UBE2D2: variants seen among roughly 807,000 people sequenced by gnomAD.
UBE2D2 encodes ubiquitin-conjugating enzyme E2 D2.
Under a neutral mutation model 24.2 loss-of-function variants are expected in UBE2D2, and 2 were observed. The observed-to-expected ratio is 0.08, with a 90% confidence interval of 0.03 to 0.26. The LOEUF (loss-of-function observed/expected upper bound fraction) is 0.26, where lower values mean the gene tolerates loss of function less well. UBE2D2 is among the 10% of genes least tolerant of loss of function. The pLI, the probability that UBE2D2 is intolerant of heterozygous loss-of-function variation, is 1.00. For missense variants in UBE2D2, 44 were observed against 177.6 expected, an observed-to-expected ratio of 0.25 and a Z score of 4.28; for synonymous variants, 58 against 56.5, an observed-to-expected ratio of 1.03 and a Z score of -0.12.
intron 5 of UBE2D2, among the ~76,000 whole-genome samples, chr5:139,617,370 A>ATTTTTTTT (rs1292231182): frequency 9.8e-6 from 1 of 102,536 alleles, no homozygotes; most frequent in African/African-American, 3.7e-5. Flanking sequence ...GTGGTGTGTG[A>ATTTTTTTT]TTTTTTTTTT....
At chr5:139,561,001 G>A (rs1753064473), upstream of UBE2D2, among the ~76,000 whole-genome samples, 1 of 152,178 alleles carries the variant, frequency 6.6e-6, no homozygotes, top group South Asian at 2.1e-4. Flanking sequence ...GCCTCCTCCC[G>A]GGACTAGTAC....
At chr5:139,533,467 C>A (rs1752624018) in intron 1 of UBE2D2, among the ~76,000 whole-genome samples, 1 of 151,904 alleles carries the variant, frequency 6.6e-6, no homozygotes, top group Non-Finnish European at 1.5e-5. Context: ...GCCTGGCCAA[C>A]ATGGCAAGTT....
intron 6 of UBE2D2, among the ~76,000 whole-genome samples, chr5:139,625,091 T>A (rs2126711432): frequency 6.6e-6 from 1 of 150,474 alleles, no homozygotes; most frequent in South Asian, 2.1e-4. Context: ...AGGGTCTTGT[T>A]CTTCAGCCCA....
chr5:139,573,847 T>C (rs927940764), intron 1 of UBE2D2, among the ~76,000 whole-genome samples: 2 of 152,066 alleles, frequency 1.3e-5, no homozygotes, highest in African/African-American at 4.8e-5. Flanking sequence ...GGCGGGTGCC[T>C]GTAATCCCAG....
At chr5:139,527,599 G>A (rs1187227831) in intron 1 of UBE2D2, among the ~76,000 whole-genome samples, 1 of 152,076 alleles carries the variant, frequency 6.6e-6, no homozygotes, top group African/African-American at 2.4e-5. Flanking sequence ...AAAAATAAAG[G>A]GGAGAGGCAG....
chr5:139,528,600 C>T (rs1382731301), intron 1 of UBE2D2, among the ~76,000 whole-genome samples: 1 of 152,162 alleles, frequency 6.6e-6, no homozygotes, highest in Non-Finnish European at 1.5e-5. Flanking sequence ...TTAGACAAAA[C>T]CTAAACATAA....
intron 2 of UBE2D2, among the ~76,000 whole-genome samples, chr5:139,609,073 C>T (rs1754259373): frequency 1.3e-5 from 2 of 150,558 alleles, no homozygotes; most frequent in South Asian, 2.1e-4. Context: ...GGCGACAGAG[C>T]GAGACTCCAT....
chr5:139,608,731 CTTTG>C (rs1206080734), intron 2 of UBE2D2, among the ~76,000 whole-genome samples: 2 of 152,272 alleles, frequency 1.3e-5, no homozygotes, highest in South Asian at 2.1e-4. Flanking sequence ...CCTATTTGTG[CTTTG>C]TTTGTGTTAG....
At chr5:139,609,618 G>T (rs184953058) in intron 2 of UBE2D2, among the ~76,000 whole-genome samples, 10 of 149,950 alleles carry the variant, frequency 6.7e-5, no homozygotes, top group Non-Finnish European at 1.5e-4. Context: ...TGATCCGCTC[G>T]CCTCGGCCTC....
rs1748908065 is a variant in UBE2D2 at position 139,551,398 on chromosome 5, T to C, written c.-64+24786T>C. On this transcript the variant is annotated intron_variant, in intron 1 of 6. Coordinates refer to the UBE2D2 transcript ENST00000511725. ...CCAGGAGAACTCCACACTTGCACAA[T>C]ATCTTCTCCAAGGACAGAAGAGGGA... Among the ~76,000 whole-genome samples the C allele has an allele frequency of 2.0e-5, 3 of 152,146 alleles. No individual in the cohort carries two copies. The South Asian group carries it at 6.2e-4, about 32-fold the overall frequency.
At chr5:139,609,172 C>T (rs1754260715) in intron 2 of UBE2D2, among the ~76,000 whole-genome samples, 2 of 152,088 alleles carry the variant, frequency 1.3e-5, no homozygotes, top group African/African-American at 4.8e-5. Flanking sequence ...AAGATTGATC[C>T]TGAAAAGACT....
At chr5:139,617,107 C>T (rs867267925) in intron 5 of UBE2D2, among the ~76,000 whole-genome samples, 3 of 151,672 alleles carry the variant, frequency 2.0e-5, no homozygotes, top group South Asian at 2.1e-4. Flanking sequence ...CACTTGAACC[C>T]GGGAGACGGA....
intron 1 of UBE2D2, among the ~76,000 whole-genome samples, chr5:139,550,694 G>T (rs764825725): frequency 1.3e-5 from 2 of 151,884 alleles, no homozygotes; most frequent in Non-Finnish European, 2.9e-5. Context: ...TGAGGCCACC[G>T]AGACCATGAA....
chr5:139,541,776 G>T (rs1752765274), intron 1 of UBE2D2, among the ~76,000 whole-genome samples: 1 of 151,962 alleles, frequency 6.6e-6, no homozygotes, highest in African/African-American at 2.4e-5. Context: ...AAGTCTCCGG[G>T]CTCAGTGGCT....
chr5:139,527,964 G>A (rs576104770), intron 1 of UBE2D2, among the ~76,000 whole-genome samples: 7 of 152,320 alleles, frequency 4.6e-5, no homozygotes, highest in East Asian at 1.9e-4. Flanking sequence ...TCGACCAGGC[G>A]TGGACTGCAT....
At chr5:139,569,786 A>G (rs1191777511) in intron 1 of UBE2D2, among the ~76,000 whole-genome samples, 1 of 152,178 alleles carries the variant, frequency 6.6e-6, no homozygotes, top group African/African-American at 2.4e-5. Flanking sequence ...TGGACTGTCC[A>G]GTGTATTTTC....
chr5:139,561,743 TCCCCGCCCCCGTCCCCG>T lies in UBE2D2; in HGVS notation c.-43_-27del. 7.4e-7 allele frequency: 1 copy of T among 1,349,540 alleles called. No individual in the cohort carries two copies. Among genetic ancestry groups the T allele is most frequent in the Non-Finnish European group, 9.9e-7 (1 of 1,013,114 alleles). 83.6% of individuals were successfully genotyped at this position (1,349,540 alleles called of 1,614,324 possible). ...GCTCCCTAGCCCCTTCCCCGTCCCT[TCCCCGCCCCCGTCCCCG>T]CCCCGGGGGCCGCCGCCACCCGCCT... On this transcript the variant is annotated 5_prime_UTR_variant, in exon 1 of 7. Transcript: ENST00000398733.
At chr5:139,557,895 G>A (rs996249185), upstream of UBE2D2, among the ~76,000 whole-genome samples, 4 of 151,988 alleles carry the variant, frequency 2.6e-5, no homozygotes, top group Non-Finnish European at 1.5e-5. Context: ...TTATCAAGAA[G>A]AGTCATATGA....
chr5:139,584,533 C>CTTTT lies in UBE2D2; in HGVS notation c.25-15827_25-15824dup, dbSNP rs10642044. Among the ~76,000 whole-genome samples, 923 of 133,032 alleles carry CTTTT rather than the reference C, an allele frequency of 6.9e-3. 17 individuals carry two copies. Among genetic ancestry groups the CTTTT allele is most frequent in the African/African-American group, 0.018 (619 of 34,490 alleles). The allele number at this position is 133,032 out of a possible 152,430, so 87.3% of individuals were successfully genotyped here. A position where few individuals can be genotyped will look rare whatever the true frequency, so the allele number is the denominator to read the frequency against. ...ACCTTTTTCTTTTTTCTTTTCTTTT[C>CTTTT]TTTTTTTTTTTTTTTGAGACAAGAG... On this transcript the variant is annotated intron_variant, in intron 1 of 6. Transcript: ENST00000398733.
Sources: allele counts gnomAD v4.1 joint callset (sites outside exome capture counted in the v4.1 genomes callset), GRCh38; gene constraint gnomAD v4.1.1; transcripts MANE v1.5; gene names NCBI Gene and HGNC (gene_info 2026-07-23, HGNC 2026-07-21).